Variants in DACT1 observed in about 807,000 individuals in gnomAD.
DACT1 encodes the protein dishevelled binding antagonist of beta catenin 1, also known as dapper homolog 1.
In DACT1, 19 loss-of-function variants were observed where a neutral mutation model predicts 35.3. That is an observed-to-expected ratio of 0.54 (90% CI 0.38 to 0.79). The LOEUF is 0.79. Ranked by LOEUF, DACT1 falls within the 30% of genes least tolerant of loss-of-function variation. The pLI is 0.00. For missense variants in DACT1, 1,143 were observed against 1,057.5 expected, an observed-to-expected ratio of 1.08 and a Z score of -1.12; for synonymous variants, 545 against 466.7, an observed-to-expected ratio of 1.17 and a Z score of -2.16.
At chr14:58,636,884 G>C (rs2047575845), upstream of DACT1, among the ~76,000 whole-genome samples, 1 of 151,906 alleles carries the variant, frequency 6.6e-6, no homozygotes, top group African/African-American at 2.4e-5. Context: ...GTTCCAAGCA[G>C]AGATGACCAA....
intron 1 of DACT1, among the ~76,000 whole-genome samples, chr14:58,640,038 G>A (rs563849468): frequency 6.6e-6 from 1 of 152,330 alleles, no homozygotes; most frequent in South Asian, 2.1e-4. Context: ...TTCATGATTT[G>A]AACCAGATGC....
At position 58,647,071 on chromosome 14, in the gene DACT1, T is replaced by A. The variant is rs771629467; in HGVS notation, c.2337T>A (p.His779Gln). The change falls in exon 4 of 4, where the codon CAT becomes CAA. Residue 779 changes from histidine (H) to glutamine (Q), a missense_variant. Coordinates refer to ENST00000395153, the MANE Select transcript of DACT1 (RefSeq NM_001079520.2). Reference protein sequence around the residue: ...AKTFVKIKASHNLKKKILRFR... With the variant: ...AKTFVKIKASQNLKKKILRFR... ...CCTTTGTCAAAATTAAGGCCTCACA[T>A]AACCTCAAGAAGAAGATCCTCCGCT... 4 of 1,614,042 alleles carry A rather than the reference T, an allele frequency of 2.5e-6. No homozygotes were observed. The highest frequency in any genetic ancestry group is 8.5e-7 in the Non-Finnish European group (1 of 1,180,046).
chr14:58,638,257 C>G lies in DACT1; in HGVS notation c.55C>G (p.Arg19Gly). 2 of 1,367,278 alleles carry G rather than the reference C, an allele frequency of 1.5e-6. No homozygotes were observed. Among genetic ancestry groups the G allele is most frequent in the Non-Finnish European group, 1.9e-6 (2 of 1,060,846 alleles). 84.7% of individuals were successfully genotyped at this position (1,367,278 alleles called of 1,614,324 possible). A position where few individuals can be genotyped will look rare whatever the true frequency, so the allele number is the denominator to read the frequency against. ...AKELEPPAPA[R>G]GEQRTAEPEG... The stretch of plus-strand genomic sequence containing the variant: ...GGAGCTGGAGCCTCCGGCGCCGGCC[C>G]GAGGCGAGCAGCGCACGGCGGAGCC... Residue 19 changes from arginine (R) to glycine (G), a missense_variant, in exon 1 of 4, where the codon CGA (arginine) becomes GGA (glycine). This residue lies in a region of DACT1 where 85 missense variants were observed against 81.8 expected (regional missense o/e 1.04). Coordinates refer to ENST00000395153, the MANE Select transcript of DACT1 (RefSeq NM_001079520.2).
At position 58,645,761 on chromosome 14, in the gene DACT1, G is replaced by T. The variant is rs746901402; in HGVS notation, c.1027G>T (p.Ala343Ser). Residue 343 changes from alanine to serine, a missense_variant, in exon 4 of 4, where the codon GCC (alanine) becomes TCC (serine). By Grantham distance (99) the Ala-to-Ser change is moderately conservative. This residue lies in a region of DACT1 where 1,054 missense variants were observed against 958.8 expected (regional missense o/e 1.10). Transcript: ENST00000395153. ...GAGGAACGGGAGCGTTTGTGTCAGA[G>T]CCCCGGGCGGTGTCTCACAGGGCAA... ...LLRNGSVCVR[A>S]PGGVSQGNSV... 1.2e-6 allele frequency: 2 copies of T among 1,614,140 alleles called. No individual in the cohort carries two copies. Among genetic ancestry groups the T allele is most frequent in the African/African-American group, 1.3e-5 (1 of 74,952 alleles).
Position 58,647,138 on chromosome 14 carries a change from ACAT to A in DACT1, c.*8_*10del. 2 of 1,609,606 alleles carry A rather than the reference ACAT, an allele frequency of 1.2e-6. No individual in the cohort carries two copies. Among genetic ancestry groups the A allele is most frequent in the Non-Finnish European group, 1.7e-6 (2 of 1,179,038 alleles). ...GAAACTGATGACGACGGTTTGAGTG[ACAT>A]CATTGGTGTAGAAAGTTTGTGTGTT... On this transcript the variant is annotated 3_prime_UTR_variant, in exon 4 of 4. Coordinates refer to ENST00000395153, the MANE Select transcript of DACT1 (RefSeq NM_001079520.2).
intron 3 of DACT1, among the ~76,000 whole-genome samples, chr14:58,642,815 G>T (rs773431849): frequency 6.6e-6 from 1 of 152,224 alleles, no homozygotes; most frequent in Non-Finnish European, 1.5e-5. Context: ...CTGCATGATG[G>T]CAGCTTGTTT....
rs779912220 is a variant in DACT1, at chr14:58,645,705, G to C, written c.971G>C (p.Ser324Thr). 22 of 1,614,238 alleles carry C rather than the reference G, an allele frequency of 1.4e-5. 1 individual carries two copies. The African/African-American group carries it at 2.9e-4, about 22-fold the overall frequency. Residue 324 changes from serine (S) to threonine (T), a missense_variant, in exon 4 of 4, where the codon AGC (serine) becomes ACC (threonine). Coordinates refer to ENST00000395153, the MANE Select transcript of DACT1 (RefSeq NM_001079520.2). ...HPVRTNKPRT[S>T]VNADPTKGLL... Reference sequence around the variant, plus strand: ...GTAAGGACCAACAAACCAAGAACCAGCGTGAACGCTGACCCCACGAAAGGG... The same window carrying C: ...GTAAGGACCAACAAACCAAGAACCACCGTGAACGCTGACCCCACGAAAGGG...
rs1320520592 is a variant in DACT1 at position 58,647,558 on chromosome 14, A to AG, written c.*428dup. On this transcript the variant is annotated 3_prime_UTR_variant, in exon 4 of 4. Coordinates refer to ENST00000395153, the MANE Select transcript of DACT1 (RefSeq NM_001079520.2). ...TGTCTCCATGAGGGTTTTCCTGTTG[A>AG]GGGGCACCACATACAATAGTGTGAA... The AG allele has an allele frequency of 8.8e-6, 2 of 226,704 alleles. No individual in the cohort carries two copies. The highest frequency in any genetic ancestry group is 4.8e-5 in the African/African-American group (2 of 41,932). The allele number at this position is 226,704 out of a possible 1,614,324, so 14.0% of individuals were successfully genotyped here.
At chr14:58,640,668 T>C (rs2047617687) in intron 1 of DACT1, 68 bp from the exon 2 acceptor site, 1 of 1,589,508 alleles carries the variant, frequency 6.3e-7, no homozygotes, top group Non-Finnish European at 8.6e-7. Flanking sequence ...TTTGAATCCT[T>C]AGAGTAGACT....
upstream of DACT1, among the ~76,000 whole-genome samples, chr14:58,636,929 C>T (rs1329720356): frequency 6.6e-6 from 1 of 151,972 alleles, no homozygotes; most frequent in Non-Finnish European, 1.5e-5. Flanking sequence ...CTTATAAATC[C>T]CTCTGGAGAA....
In DACT1 at chr14:58,646,471, T is replaced by C; in HGVS notation, c.1737T>C (p.Asp579=). Residue 579 remains aspartate (D), a synonymous_variant, in exon 4 of 4, where the codon GAT becomes GAC. Coordinates refer to ENST00000395153, the MANE Select transcript of DACT1 (RefSeq NM_001079520.2). ...RAGSKKCRFP[D]DLDTNKKLKK... ...GGAGCAAGAAGTGTCGCTTCCCAGATGACTTGGATACAAATAAGAAACTCA... is the reference window on the plus strand; with the variant it reads ...GGAGCAAGAAGTGTCGCTTCCCAGACGACTTGGATACAAATAAGAAACTCA... The C allele has an allele frequency of 6.4e-7, 1 of 1,572,730 alleles. No individual in the cohort carries two copies. The highest frequency in any genetic ancestry group is 8.6e-7 in the Non-Finnish European group (1 of 1,163,428).
In DACT1 at chr14:58,647,295, T is replaced by C. The variant is rs969569579; in HGVS notation, c.*161T>C. ...TTATTGTTTCATCTTCACGTATGGATGCTAGTGCCTTTAATGGAAGGTAAA... is the reference window on the plus strand; with the variant it reads ...TTATTGTTTCATCTTCACGTATGGACGCTAGTGCCTTTAATGGAAGGTAAA... On this transcript the variant is annotated 3_prime_UTR_variant, in exon 4 of 4. Transcript: ENST00000395153. 1.2e-6 allele frequency: 1 copy of C among 800,594 alleles called. No individual in the cohort carries two copies. Among genetic ancestry groups the C allele is most frequent in the African/African-American group, 1.8e-5 (1 of 57,036 alleles). The allele number at this position is 800,594 out of a possible 1,614,324, so 49.6% of individuals were successfully genotyped here. A position where few individuals can be genotyped will look rare whatever the true frequency, so the allele number is the denominator to read the frequency against.
Position 58,640,697 on chromosome 14 carries a change from C to T in DACT1, c.346-39C>T, listed in dbSNP as rs2047618224. The T allele has an allele frequency of 6.2e-6, 10 of 1,611,326 alleles. No individual in the cohort carries two copies. The South Asian group carries it at 6.6e-5, about 11-fold the overall frequency. On this transcript the variant is annotated intron_variant, in intron 1 of 3. Transcript: ENST00000395153. ...GTAGACTTTCTGGTTCTTTTGTCACCCCTGTATGTTCATGTTTCCTTTGTT... is the reference window on the plus strand; with the variant it reads ...GTAGACTTTCTGGTTCTTTTGTCACTCCTGTATGTTCATGTTTCCTTTGTT...
chr14:58,640,687 C>CT lies in DACT1; in HGVS notation c.346-45dup, dbSNP rs752375281. ...AATCCTTAGAGTAGACTTTCTGGTT[C>CT]TTTTGTCACCCCTGTATGTTCATGT... On this transcript the variant is annotated intron_variant, in intron 1 of 3. Coordinates refer to ENST00000395153, the MANE Select transcript of DACT1 (RefSeq NM_001079520.2). The CT allele has an allele frequency of 2.1e-5, 33 of 1,605,652 alleles. No individual in the cohort carries two copies. The Admixed American group carries it at 4.9e-4, about 24-fold the overall frequency.
At chr14:58,638,784 T>G in intron 1 of DACT1, 1 of 1,185,412 alleles carries the variant, frequency 8.4e-7, no homozygotes, top group Non-Finnish European at 1.0e-6. Context: ...CTCGCGCGGA[T>G]TGCGGGAAGG....
rs2047684778 is a variant in DACT1, at chr14:58,646,495, C to T, written c.1761C>T (p.Leu587=). ...FPDDLDTNKK[L]KKASSKGRKS... ...ATGACTTGGATACAAATAAGAAACTCAAGAAAGCCTCCTCCAAGGGGAGGA... is the reference window on the plus strand; with the variant it reads ...ATGACTTGGATACAAATAAGAAACTTAAGAAAGCCTCCTCCAAGGGGAGGA... Residue 587 remains leucine (L), a synonymous_variant, in exon 4 of 4, where the codon CTC becomes CTT. Transcript: ENST00000395153. The T allele has an allele frequency of 6.4e-7, 1 of 1,562,880 alleles. No individual in the cohort carries two copies. The highest frequency in any genetic ancestry group is 2.3e-5 in the East Asian group (1 of 42,704).
At chr14:58,639,597 T>G (rs937864501) in intron 1 of DACT1, among the ~76,000 whole-genome samples, 9 of 151,998 alleles carry the variant, frequency 5.9e-5, no homozygotes, top group Non-Finnish European at 1.2e-4. Context: ...GTGTGTGTGT[T>G]TTTAAGCACC....
rs1166869499 is a variant in DACT1, at chr14:58,638,022, C to T, written c.-181C>T. The T allele has an allele frequency of 1.2e-5, 6 of 508,946 alleles. No individual in the cohort carries two copies. Among genetic ancestry groups the T allele is most frequent in the Non-Finnish European group, 1.7e-5 (6 of 349,616 alleles). 31.5% of individuals were successfully genotyped at this position (508,946 alleles called of 1,614,324 possible). The stretch of plus-strand genomic sequence containing the variant: ...GCGACAGCGGACGGCGCTGCCCGGG[C>T]CGGGACAGCAGCAGCCGGCGGTCGC... On this transcript the variant is annotated 5_prime_UTR_variant, in exon 1 of 4. Transcript: ENST00000395153.
chr14:58,642,888 C>T (rs970064503), intron 3 of DACT1, among the ~76,000 whole-genome samples: 3 of 152,140 alleles, frequency 2.0e-5, no homozygotes, highest in African/African-American at 7.2e-5. Flanking sequence ...TGCAATGACC[C>T]CCAGAAGGAA....
Sources: allele counts gnomAD v4.1 joint callset (sites outside exome capture counted in the v4.1 genomes callset), GRCh38; gene constraint gnomAD v4.1.1; regional missense constraint gnomAD v4.1.1; transcripts MANE v1.5; gene names NCBI Gene and HGNC (gene_info 2026-07-23, HGNC 2026-07-21).